Variants in CSMD1 observed in about 807,000 individuals in gnomAD.
CSMD1 encodes CUB and sushi domain-containing protein 1.
A neutral mutation model predicts 417.5 loss-of-function variants in CSMD1; 213 were observed. The ratio of observed to expected loss-of-function variants is 0.51; its 90% CI spans 0.46 to 0.57. The LOEUF is 0.57. Ranked by LOEUF, CSMD1 falls within the 20% of genes least tolerant of loss-of-function variation. The pLI is 0.00. For synonymous variants in CSMD1, 2,862 were observed against 1,736.8 expected (o/e 1.65, Z -16.11); for missense variants, 6,923 against 4,529.7 (o/e 1.53, Z -15.17).
At chr8:4,981,670 G>T (rs182361510) in intron 1 of CSMD1, among the ~76,000 whole-genome samples, 29 of 152,316 alleles carry the variant, frequency 1.9e-4, no homozygotes, top group Admixed American at 1.4e-3. Flanking sequence ...TTCTAGAAGA[G>T]TGTGTGGTGA....
At chr8:3,295,498 T>A (rs1009151695) in intron 25 of CSMD1, among the ~76,000 whole-genome samples, 4 of 152,206 alleles carry the variant, frequency 2.6e-5, no homozygotes, top group Non-Finnish European at 5.9e-5. Flanking sequence ...TAATTTACTT[T>A]AAAACTGTAA....
intron 5 of CSMD1, among the ~76,000 whole-genome samples, chr8:3,836,279 C>G (rs536370695): frequency 5.9e-5 from 9 of 152,036 alleles, no homozygotes; most frequent in African/African-American, 2.2e-4. Context: ...CATTAAAAAA[C>G]TGATTGAAGC....
At chr8:3,716,536 TG>T (rs1801847113) in intron 6 of CSMD1, among the ~76,000 whole-genome samples, 1 of 152,186 alleles carries the variant, frequency 6.6e-6, no homozygotes, top group Non-Finnish European at 1.5e-5. Flanking sequence ...GCAGTGAGGA[TG>T]GCCAGAGTCA....
chr8:4,643,731 T>C (rs1803345543), intron 1 of CSMD1, among the ~76,000 whole-genome samples: 1 of 152,192 alleles, frequency 6.6e-6, no homozygotes, highest in Admixed American at 6.5e-5. Flanking sequence ...ATGCATTAAA[T>C]TCTGCATTAT....
intron 7 of CSMD1, among the ~76,000 whole-genome samples, chr8:3,621,223 T>C (rs1356429911): frequency 6.6e-6 from 1 of 152,196 alleles, no homozygotes; most frequent in East Asian, 1.9e-4. Flanking sequence ...CGTAGCACTT[T>C]TTTTATGGCA....
intron 3 of CSMD1, among the ~76,000 whole-genome samples, chr8:4,286,789 G>C (rs766296952): frequency 1.7e-4 from 26 of 152,160 alleles, no homozygotes; most frequent in Non-Finnish European, 2.1e-4. Flanking sequence ...GTTTGGCTGA[G>C]AATGTTTCCT....
At chr8:4,431,111 C>T (rs910802155) in intron 2 of CSMD1, among the ~76,000 whole-genome samples, 11 of 151,950 alleles carry the variant, frequency 7.2e-5, no homozygotes, top group Non-Finnish European at 5.9e-5. Flanking sequence ...CTTAAACAGA[C>T]CACATGACTG....
chr8:4,769,042 G>C (rs1028248040), intron 1 of CSMD1, among the ~76,000 whole-genome samples: 1 of 152,140 alleles, frequency 6.6e-6, no homozygotes, highest in Non-Finnish European at 1.5e-5. Context: ...CCATCTCGGG[G>C]AATATCATTT....
intron 5 of CSMD1, among the ~76,000 whole-genome samples, chr8:3,995,731 G>C (rs1815163760): frequency 6.6e-6 from 1 of 152,180 alleles, no homozygotes; most frequent in African/African-American, 2.4e-5. Flanking sequence ...TTTGCGCCAA[G>C]CAAATAGGAC....
intron 2 of CSMD1, among the ~76,000 whole-genome samples, chr8:4,468,455 T>G (rs1347179041): frequency 1.3e-5 from 2 of 152,350 alleles, no homozygotes; most frequent in African/African-American, 2.4e-5. Flanking sequence ...ACTTCAAACC[T>G]TATGATTTAA....
chr8:4,493,903 T>C (rs1331402895), intron 2 of CSMD1, among the ~76,000 whole-genome samples: 1 of 152,152 alleles, frequency 6.6e-6, no homozygotes. Flanking sequence ...GAAATTAAAA[T>C]GATAGACACT....
At chr8:3,706,680 T>C (rs889521065) in intron 7 of CSMD1, among the ~76,000 whole-genome samples, 1 of 152,182 alleles carries the variant, frequency 6.6e-6, no homozygotes, top group African/African-American at 2.4e-5. Context: ...TCCAACCTGA[T>C]ATTGATTTAA....
intron 8 of CSMD1, among the ~76,000 whole-genome samples, chr8:3,588,558 C>T (rs1009950926): frequency 6.6e-6 from 1 of 152,134 alleles, no homozygotes; most frequent in South Asian, 2.1e-4. Context: ...AATCCTTAGT[C>T]ATGGAGGGCT....
At position 4,462,818 on chromosome 8, in the gene CSMD1, T is replaced by A. The variant is rs561908126; in HGVS notation, c.303-42753A>T. Among the ~76,000 whole-genome samples the A allele has an allele frequency of 3.3e-5, 5 of 152,236 alleles. No homozygotes were observed. In the South Asian group the frequency reaches 6.2e-4, roughly 19 times the overall value. ...CTTCCTTACACTATCCACAAAAAAATTGATAAATCATAGACCCAAATGTAA... is the reference window on the plus strand; with the variant it reads ...CTTCCTTACACTATCCACAAAAAAAATGATAAATCATAGACCCAAATGTAA... On this transcript the variant is annotated intron_variant, in intron 2 of 69. Transcript: ENST00000635120.
intron 5 of CSMD1, among the ~76,000 whole-genome samples, chr8:3,789,404 G>GTAGTGTTTTTTTTT (rs1799610181): frequency 1.3e-4 from 2 of 15,782 alleles, no homozygotes; most frequent in Non-Finnish European, 3.6e-4. Flanking sequence ...TTTTTTTTAA[G>GTAGTGTTTTTTTTT]TAAGTTTTTT....
At chr8:4,328,712 A>C (rs1294612059) in intron 3 of CSMD1, among the ~76,000 whole-genome samples, 2 of 152,188 alleles carry the variant, frequency 1.3e-5, no homozygotes, top group African/African-American at 4.8e-5. Flanking sequence ...TATTAGCTAT[A>C]CTATGGCTAT....
chr8:3,666,436 A>T lies in CSMD1; in HGVS notation c.1009+41978T>A, dbSNP rs530979501. Among the ~76,000 whole-genome samples the T allele has an allele frequency of 2.6e-3, 400 of 152,350 alleles. 1 individual carries two copies. Among genetic ancestry groups the T allele is most frequent in the African/African-American group, 9.2e-3 (384 of 41,582 alleles). Reference sequence around the variant, plus strand: ...ATTTTAATGTATACTTGCTAAAATAATTAAGACAGAAATACTGAATCACGA... The same window carrying T: ...ATTTTAATGTATACTTGCTAAAATATTTAAGACAGAAATACTGAATCACGA... On this transcript the variant is annotated intron_variant, in intron 7 of 69. Coordinates refer to ENST00000635120, the MANE Select transcript of CSMD1 (RefSeq NM_033225.6).
intron 3 of CSMD1, among the ~76,000 whole-genome samples, chr8:4,416,313 C>G (rs551525409): frequency 6.6e-6 from 1 of 152,012 alleles, no homozygotes; most frequent in Non-Finnish European, 1.5e-5. Flanking sequence ...CCTTGTTTTA[C>G]TTATAAAATG....
At chr8:3,059,659 G>T (rs1412707429) in intron 49 of CSMD1, among the ~76,000 whole-genome samples, 18 of 152,214 alleles carry the variant, frequency 1.2e-4, no homozygotes, top group African/African-American at 4.3e-4. Context: ...GGAGATGAAC[G>T]GAGAGAGGGT....
Sources: allele counts gnomAD v4.1 joint callset (sites outside exome capture counted in the v4.1 genomes callset), GRCh38; gene constraint gnomAD v4.1.1; transcripts MANE v1.5; gene names NCBI Gene and HGNC (gene_info 2026-07-23, HGNC 2026-07-21).